The following TRPC4AP variants were observed in gnomAD, a reference collection of about 807,000 sequenced individuals.
TRPC4AP encodes the protein short transient receptor potential channel 4-associated protein.
A neutral mutation model predicts 99.0 loss-of-function variants in TRPC4AP; 45 were observed. That is an observed-to-expected ratio of 0.45 (90% CI 0.36 to 0.58). The LOEUF is 0.58. TRPC4AP is among the 20% of genes least tolerant of loss of function. The probability of loss-of-function intolerance (pLI) is 0.00; values close to 1 mark genes in which losing one functional copy is unlikely to be tolerated. For missense variants in TRPC4AP, 879 were observed against 985.3 expected (o/e 0.89, Z 1.44); for synonymous variants, 408 against 385.8 (o/e 1.06, Z -0.67).
At chr20:35,005,210 T>C (rs2082492139) in intron 16 of TRPC4AP, among the ~76,000 whole-genome samples, 1 of 151,810 alleles carries the variant, frequency 6.6e-6, no homozygotes, top group African/African-American at 2.4e-5. Context: ...ACAGTGACCG[T>C]GACAAGGAAC....
rs777903024 is a variant in TRPC4AP at position 35,044,485 on chromosome 20, T to G, written c.865+20A>C. 1 of 1,606,428 alleles carries G rather than the reference T, an allele frequency of 6.2e-7. No individual in the cohort carries two copies. Among genetic ancestry groups the G allele is most frequent in the South Asian group, 1.1e-5 (1 of 90,840 alleles). ...CCTCAGAGCTATAATCTCAAAATTC[T>G]GAGAACTTGGAGACTTTACCTTGAT... is the stretch of plus-strand genomic sequence containing the variant. On this transcript the variant is annotated intron_variant, in intron 7 of 18. Coordinates refer to ENST00000252015, the MANE Select transcript of TRPC4AP (RefSeq NM_015638.3).
intron 1 of TRPC4AP, among the ~76,000 whole-genome samples, chr20:35,086,625 A>G (rs2084891865): frequency 6.6e-6 from 1 of 151,580 alleles, no homozygotes; most frequent in African/African-American, 2.4e-5. Context: ...TTTCAGTATC[A>G]AATTACCTTT....
intron 3 of TRPC4AP, among the ~76,000 whole-genome samples, chr20:35,061,951 G>A (rs575314113): frequency 6.6e-6 from 1 of 152,244 alleles, no homozygotes; most frequent in Non-Finnish European, 1.5e-5. Context: ...CAAGGAATTA[G>A]TATCCAGAAA....
chr20:35,012,792 G>A (rs368411374), intron 11 of TRPC4AP, among the ~76,000 whole-genome samples: 5 of 152,318 alleles, frequency 3.3e-5, no homozygotes, highest in African/African-American at 9.6e-5. Flanking sequence ...GTGGCTATGA[G>A]GGTTAGAAGA....
At chr20:35,086,675 T>G (rs889023220) in intron 1 of TRPC4AP, among the ~76,000 whole-genome samples, 1 of 151,636 alleles carries the variant, frequency 6.6e-6, no homozygotes, top group Non-Finnish European at 1.5e-5. Flanking sequence ...AATGCCTAGG[T>G]TTCATAAATA....
intron 3 of TRPC4AP, among the ~76,000 whole-genome samples, chr20:35,066,523 A>G (rs2084148853): frequency 6.6e-6 from 1 of 152,178 alleles, no homozygotes; most frequent in Non-Finnish European, 1.5e-5. Context: ...CCTCATGTTC[A>G]CTTCAGGTAA....
In TRPC4AP at chr20:35,005,822, C is replaced by T. The variant is rs1048163326; in HGVS notation, c.1828-19G>A. 5 of 1,612,624 alleles carry T rather than the reference C, an allele frequency of 3.1e-6. No homozygotes were observed. The East Asian group carries it at 8.9e-5, about 29-fold the overall frequency. On this transcript the variant is annotated intron_variant, in intron 15 of 18. Coordinates refer to ENST00000252015, the MANE Select transcript of TRPC4AP (RefSeq NM_015638.3). ...CCTGGAACTATACAGAAACCAAGCT[C>T]ACAGCAGGCAGTGGGCTGCTGGCCA...
intron 7 of TRPC4AP, among the ~76,000 whole-genome samples, chr20:35,038,231 A>G (rs2083367488): frequency 6.6e-6 from 1 of 151,044 alleles, no homozygotes; most frequent in Non-Finnish European, 1.5e-5. Context: ...CGTGACTTCC[A>G]TCTCCATAAA....
At chr20:35,018,669 A>G (rs1288638340) in intron 9 of TRPC4AP, among the ~76,000 whole-genome samples, 1 of 151,934 alleles carries the variant, frequency 6.6e-6, no homozygotes, top group Middle Eastern at 3.2e-3. Context: ...AAAATTTGTA[A>G]AACAAATTTT....
intron 8 of TRPC4AP, among the ~76,000 whole-genome samples, chr20:35,029,257 TTTAA>T (rs1486542150): frequency 6.6e-6 from 1 of 152,154 alleles, no homozygotes; most frequent in Non-Finnish European, 1.5e-5. Context: ...CCTCCAACTT[TTTAA>T]AAGTACAGCC....
In TRPC4AP at chr20:35,043,023, CCT is replaced by C. The variant is rs547257149; in HGVS notation, c.865+1480_865+1481del. ...GGCAAACGTATGGTCTTATTCTCCCCCTGACTTAATACAAAAACTATACCATA... is the reference window on the plus strand; with the variant it reads ...GGCAAACGTATGGTCTTATTCTCCCCGACTTAATACAAAAACTATACCATA... On this transcript the variant is annotated intron_variant, in intron 7 of 18. Coordinates refer to ENST00000252015, the MANE Select transcript of TRPC4AP (RefSeq NM_015638.3). Among the ~76,000 whole-genome samples the C allele has an allele frequency of 5.9e-3, 895 of 150,748 alleles. 6 individuals carry two copies. The highest frequency in any genetic ancestry group is 6.9e-3 in the African/African-American group (285 of 41,332).
At chr20:35,061,439 AT>A (rs2084005606) in intron 3 of TRPC4AP, among the ~76,000 whole-genome samples, 1 of 152,216 alleles carries the variant, frequency 6.6e-6, no homozygotes, top group African/African-American at 2.4e-5. Flanking sequence ...TGCAATCACT[AT>A]CAAAATCTCA....
chr20:35,009,592 G>C (rs1008943048), intron 12 of TRPC4AP, among the ~76,000 whole-genome samples: 1 of 152,238 alleles, frequency 6.6e-6, no homozygotes, highest in African/African-American at 2.4e-5. Context: ...GCTGCAGTGA[G>C]CTATAACACC....
chr20:35,009,539 G>A (rs1031703046), intron 12 of TRPC4AP, among the ~76,000 whole-genome samples: 3 of 152,166 alleles, frequency 2.0e-5, no homozygotes, highest in Non-Finnish European at 2.9e-5. Context: ...CCAGCTACTC[G>A]GGCGGCTGAG....
intron 12 of TRPC4AP, among the ~76,000 whole-genome samples, chr20:35,008,977 A>G (rs1430845536): frequency 6.6e-6 from 1 of 152,226 alleles, no homozygotes; most frequent in African/African-American, 2.4e-5. Flanking sequence ...CCCAGGCCAG[A>G]AACATATCCA....
intron 8 of TRPC4AP, among the ~76,000 whole-genome samples, chr20:35,024,032 C>A (rs1457053944): frequency 1.3e-5 from 2 of 152,174 alleles, no homozygotes; most frequent in Non-Finnish European, 2.9e-5. Context: ...GCTCACGAGG[C>A]CTGTGCTCCC....
intron 1 of TRPC4AP, among the ~76,000 whole-genome samples, chr20:35,081,245 C>T (rs1229115941): frequency 6.6e-6 from 1 of 151,954 alleles, no homozygotes. Flanking sequence ...GGTTACAGGG[C>T]CTCATGCATG....
intron 3 of TRPC4AP, among the ~76,000 whole-genome samples, chr20:35,068,010 A>G (rs6060201): frequency 0.73 from 110,471 of 152,060 alleles, 40,465 homozygotes; most frequent in Middle Eastern, 0.83. Context: ...TGTATGGTAT[A>G]TGAACCATAT....
intron 10 of TRPC4AP, among the ~76,000 whole-genome samples, chr20:35,015,626 C>T (rs1031586339): frequency 2.0e-5 from 3 of 151,760 alleles, no homozygotes; most frequent in Non-Finnish European, 4.4e-5. Flanking sequence ...CCATACCTGG[C>T]CAATTTTTGT....
Sources: allele counts gnomAD v4.1 joint callset (sites outside exome capture counted in the v4.1 genomes callset), GRCh38; gene constraint gnomAD v4.1.1; transcripts MANE v1.5; gene names NCBI Gene and HGNC (gene_info 2026-07-23, HGNC 2026-07-21).